Variants in KIAA1549L observed in about 807,000 individuals in gnomAD.
The protein encoded by KIAA1549L is KIAA1549 like.
A neutral mutation model predicts 160.7 loss-of-function variants in KIAA1549L; 88 were observed. The ratio of observed to expected loss-of-function variants is 0.55; its 90% CI spans 0.46 to 0.65. The LOEUF is 0.65. Among genes scored for constraint, KIAA1549L ranks in the 30% least tolerant of loss-of-function variants. The pLI is 0.00. For missense variants in KIAA1549L, 2,258 were observed against 2,437.5 expected (o/e 0.93, Z 1.55); for synonymous variants, 950 against 976.7 (o/e 0.97, Z 0.51).
rs974970647 is a variant in KIAA1549L at position 33,552,358 on chromosome 11, C to T, written c.3855+117C>T. 6.2e-6 allele frequency: 7 copies of T among 1,122,840 alleles called. No homozygotes were observed. In the East Asian group the frequency reaches 7.8e-5, roughly 13 times the overall value. The allele number at this position is 1,122,840 out of a possible 1,614,324, so 69.6% of individuals were successfully genotyped here. A position where few individuals can be genotyped will look rare whatever the true frequency, so the allele number is the denominator to read the frequency against. On this transcript the variant is annotated intron_variant, in intron 6 of 20. Transcript: ENST00000658780. Reference sequence around the variant, plus strand: ...TACCATGTATAAATGTAACTTTGTACTTCAGACATTGGTGAGGATGTCTGG... The same window carrying T: ...TACCATGTATAAATGTAACTTTGTATTTCAGACATTGGTGAGGATGTCTGG...
At chr11:33,659,909 G>A (rs373219241) in intron 19 of KIAA1549L, among the ~76,000 whole-genome samples, 1 of 152,178 alleles carries the variant, frequency 6.6e-6, no homozygotes, top group East Asian at 1.9e-4. Context: ...GCAGGTGGAG[G>A]TCTGCTGCTC....
intron 1 of KIAA1549L, among the ~76,000 whole-genome samples, chr11:33,488,196 GC>G (rs1852573258): frequency 6.6e-6 from 1 of 152,156 alleles, no homozygotes; most frequent in Admixed American, 6.5e-5. Context: ...TGTTTGTAAT[GC>G]TCAAACTCAA....
intron 1 of KIAA1549L, among the ~76,000 whole-genome samples, chr11:33,534,491 G>T (rs562904298): frequency 3.2e-4 from 48 of 152,180 alleles, no homozygotes; most frequent in Admixed American, 7.2e-4. Context: ...TTTTTTGGGG[G>T]AAAGGAGAGA....
At chr11:33,553,914 T>G (rs1009540756) in intron 6 of KIAA1549L, among the ~76,000 whole-genome samples, 2 of 152,238 alleles carry the variant, frequency 1.3e-5, no homozygotes, top group Non-Finnish European at 2.9e-5. Context: ...GTAACAAACC[T>G]TCCTTGGAAA....
intron 9 of KIAA1549L, among the ~76,000 whole-genome samples, chr11:33,571,525 C>G (rs1855255141): frequency 6.6e-6 from 1 of 152,150 alleles, no homozygotes; most frequent in Non-Finnish European, 1.5e-5. Flanking sequence ...GCATCTGCTT[C>G]TGGAAAGGCC....
At chr11:33,461,876 T>C (rs1338533437) in intron 1 of KIAA1549L, among the ~76,000 whole-genome samples, 1 of 152,214 alleles carries the variant, frequency 6.6e-6, no homozygotes, top group Non-Finnish European at 1.5e-5. Flanking sequence ...GAGCTGGTTT[T>C]AGGGCTTAGG....
chr11:33,523,624 C>T (rs1036470638), intron 1 of KIAA1549L, among the ~76,000 whole-genome samples: 2 of 152,194 alleles, frequency 1.3e-5, no homozygotes, highest in Non-Finnish European at 2.9e-5. Flanking sequence ...GATTACACAT[C>T]ATAACCTTTG....
At chr11:33,612,527 G>T (rs1253978343) in intron 15 of KIAA1549L, among the ~76,000 whole-genome samples, 1 of 152,090 alleles carries the variant, frequency 6.6e-6, no homozygotes, top group East Asian at 1.9e-4. Context: ...AGAGTGCTGG[G>T]ATTACAGGCG....
rs1854142687 is a variant in KIAA1549L, at chr11:33,544,103, C to T, written c.2540C>T (p.Thr847Ile). The T allele has an allele frequency of 6.2e-7, 1 of 1,614,012 alleles. No individual in the cohort carries two copies. Among genetic ancestry groups the T allele is most frequent in the Non-Finnish European group, 8.5e-7 (1 of 1,179,902 alleles). ...CAGCCAGCACATCCTCTTTTGCTAA[C>T]CTCACCAGGACCAACTTCTACAGGT... is the stretch of plus-strand genomic sequence containing the variant. ...PNQPAHPLLL[T>I]SPGPTSTGSL... is the part of the protein sequence containing the mutation. The change falls in exon 2 of 21, where the codon ACC becomes ATC. Residue 847 changes from threonine (T) to isoleucine (I), a missense_variant. This residue lies in a region of KIAA1549L where 287 missense variants were observed against 292.3 expected (regional missense o/e 0.98). Transcript: ENST00000658780.
chr11:33,406,187 G>A (rs1011859713), intron 1 of KIAA1549L, among the ~76,000 whole-genome samples: 1 of 152,172 alleles, frequency 6.6e-6, no homozygotes, highest in East Asian at 1.9e-4. Flanking sequence ...TATAACAAAG[G>A]CATGTTGCTC....
At chr11:33,612,351 C>T (rs925016479) in intron 15 of KIAA1549L, among the ~76,000 whole-genome samples, 7 of 152,212 alleles carry the variant, frequency 4.6e-5, no homozygotes, top group South Asian at 2.1e-4. Context: ...AGTGACCAAG[C>T]CACAGCAGGA....
Position 33,545,001 on chromosome 11 carries a change from C to G in KIAA1549L, c.3008C>G (p.Ala1003Gly). The part of the protein sequence containing the change: ...PKRTPGAVHT[A>G]FPFTPTYMYA... Reference sequence around the variant, plus strand: ...AGGACACCAGGGGCAGTCCATACAGCCTTCCCATTCACACCAACCTACATG... The same window carrying G: ...AGGACACCAGGGGCAGTCCATACAGGCTTCCCATTCACACCAACCTACATG... The change falls in exon 3 of 21, where the codon GCC (alanine) becomes GGC (glycine). Residue 1003 changes from alanine (A) to glycine (G), a missense_variant. Physicochemically the swap from Ala to Gly is moderately conservative, Grantham distance 60. This residue lies in a region of KIAA1549L where 1,359 missense variants were observed against 1,546.6 expected (regional missense o/e 0.88). Transcript: ENST00000658780. 5 of 1,614,008 alleles carry G rather than the reference C, an allele frequency of 3.1e-6. No homozygotes were observed. The highest frequency in any genetic ancestry group is 4.2e-6 in the Non-Finnish European group (5 of 1,179,890).
chr11:33,474,435 G>A (rs2133034134), intron 1 of KIAA1549L, among the ~76,000 whole-genome samples: 1 of 152,320 alleles, frequency 6.6e-6, no homozygotes, highest in African/African-American at 2.4e-5. Flanking sequence ...TGAGGGCAGG[G>A]ATGCAAGGCC....
chr11:33,456,743 T>C (rs1337511897), intron 1 of KIAA1549L, among the ~76,000 whole-genome samples: 2 of 152,184 alleles, frequency 1.3e-5, no homozygotes, highest in African/African-American at 4.8e-5. Context: ...TTTTCAGTCC[T>C]TTAGCTTTTC....
chr11:33,580,778 T>G (rs1415791673), intron 10 of KIAA1549L, among the ~76,000 whole-genome samples: 1 of 152,124 alleles, frequency 6.6e-6, no homozygotes, highest in Non-Finnish European at 1.5e-5. Context: ...GGAGCTTATG[T>G]TCTAGGGTGG....
chr11:33,578,483 C>A (rs1357034840), intron 10 of KIAA1549L, among the ~76,000 whole-genome samples: 1 of 152,184 alleles, frequency 6.6e-6, no homozygotes, highest in East Asian at 1.9e-4. Context: ...GCAGTAGCTT[C>A]CAAAGTGACT....
At chr11:33,384,930 T>G (rs980518530) in intron 1 of KIAA1549L, among the ~76,000 whole-genome samples, 63 of 150,892 alleles carry the variant, frequency 4.2e-4, no homozygotes, top group African/African-American at 1.4e-3. Context: ...TTAACAGCGT[T>G]TTTTTTGTTT....
rs1004987877 is a variant in KIAA1549L, at chr11:33,669,867, G to C, written c.*1713G>C. 3.3e-5 allele frequency: 5 copies of C among 152,268 alleles called. No homozygotes were observed. Among genetic ancestry groups the C allele is most frequent in the Middle Eastern group, 3.4e-3 (1 of 294 alleles). The allele number at this position is 152,268 out of a possible 1,614,324, so 9.4% of individuals were successfully genotyped here. ...ATAGGTAGTGTCCTTTTAGTATGCT[G>C]GTTGATCTTTCATAGTGTTAGTGTT... On this transcript the variant is annotated 3_prime_UTR_variant, in exon 21 of 21. Coordinates refer to ENST00000658780, the MANE Select transcript of KIAA1549L (RefSeq NM_012194.3).
At chr11:33,581,176 G>A (rs904411896) in intron 10 of KIAA1549L, among the ~76,000 whole-genome samples, 1 of 152,170 alleles carries the variant, frequency 6.6e-6, no homozygotes, top group South Asian at 2.1e-4. Flanking sequence ...GGAGAACCAC[G>A]TGGACTGAGC....
Sources: gnomAD v4.1 joint callset for allele counts (sites outside exome capture counted in the v4.1 genomes callset) on GRCh38, gnomAD v4.1.1 for gene constraint, gnomAD v4.1.1 regional missense constraint, MANE v1.5 for transcripts, NCBI Gene and HGNC (gene_info 2026-07-23, HGNC 2026-07-21) for gene names.